The following FNDC3A variants were observed in gnomAD, a reference collection of about 807,000 sequenced individuals.
FNDC3A encodes the protein fibronectin type-III domain-containing protein 3A.
In FNDC3A, 32 loss-of-function variants were observed where a neutral mutation model predicts 148.9. That is an observed-to-expected ratio of 0.21 (90% CI 0.16 to 0.29). The LOEUF is 0.29. FNDC3A is among the 10% of genes least tolerant of loss of function. The pLI is 1.00. For missense variants in FNDC3A, 1,191 were observed against 1,452.8 expected, an observed-to-expected ratio of 0.82 and a Z score of 2.93; for synonymous variants, 472 against 473.6, an observed-to-expected ratio of 1.00 and a Z score of 0.04.
chr13:49,145,706 A>T, intron 7 of FNDC3A, 72 bp from the exon 8 acceptor site: 1 of 1,197,226 alleles, frequency 8.4e-7, no homozygotes, highest in Non-Finnish European at 1.2e-6. Context: ...TTGAAACCTC[A>T]TTAGATATTT....
At chr13:48,983,323 A>G (rs1951729285) in intron 1 of FNDC3A, among the ~76,000 whole-genome samples, 1 of 152,222 alleles carries the variant, frequency 6.6e-6, no homozygotes, top group Non-Finnish European at 1.5e-5. Flanking sequence ...TAATGTATAT[A>G]TATTTTTTAC....
At chr13:49,149,385 AGTTT>A (rs1399972813) in intron 8 of FNDC3A, among the ~76,000 whole-genome samples, 1 of 152,018 alleles carries the variant, frequency 6.6e-6, no homozygotes, top group Non-Finnish European at 1.5e-5. Context: ...TTTAGTGCCT[AGTTT>A]GTTGAAAGAT....
intron 25 of FNDC3A, among the ~76,000 whole-genome samples, chr13:49,205,247 T>C (rs1461497827): frequency 6.6e-6 from 1 of 152,170 alleles, no homozygotes; most frequent in Non-Finnish European, 1.5e-5. Flanking sequence ...TTTTCTTTCT[T>C]AACCTAATAC....
At position 49,136,705 on chromosome 13, in the gene FNDC3A, A is replaced by C. The variant is rs929333058; in HGVS notation, c.760+104A>C. 3 of 1,123,104 alleles carry C rather than the reference A, an allele frequency of 2.7e-6. No individual in the cohort carries two copies. The African/African-American group carries it at 4.7e-5, about 17-fold the overall frequency. 69.6% of individuals were successfully genotyped at this position (1,123,104 alleles called of 1,614,324 possible). On this transcript the variant is annotated intron_variant, in intron 6 of 25. Transcript: ENST00000492622. ...TCAGTCATTTTGTCATGGTCCAAAT[A>C]GACTGTTACAGGCTGCTGCTTTCGA...
In FNDC3A at chr13:49,197,779, G is replaced by A. The variant is rs1024936412; in HGVS notation, c.2395G>A (p.Val799Ile). The change falls in exon 21 of 26, where the codon GTT becomes ATT. Residue 799 changes from valine to isoleucine, a missense_variant. Transcript: ENST00000492622. ...VTEYRLEWGG[V>I]EGSMQICYCG... ...TGAATATCGACTGGAGTGGGGAGGA[G>A]TTGAAGGAAGTATGCAGATATGTTA... is the stretch of plus-strand genomic sequence containing the variant. The A allele has an allele frequency of 6.2e-6, 10 of 1,610,612 alleles. No homozygotes were observed. Among genetic ancestry groups the A allele is most frequent in the Admixed American group, 3.4e-5 (2 of 58,804 alleles).
intron 3 of FNDC3A, among the ~76,000 whole-genome samples, chr13:49,101,955 G>C (rs1879885924): frequency 6.6e-6 from 1 of 151,960 alleles, no homozygotes; most frequent in Non-Finnish European, 1.5e-5. Flanking sequence ...ACAAAGCAGA[G>C]AGCTTTTATT....
chr13:49,197,796 G>C lies in FNDC3A; in HGVS notation c.2412G>C (p.Gln804His), dbSNP rs1886226970. 3.1e-6 allele frequency: 5 copies of C among 1,611,196 alleles called. No individual in the cohort carries two copies. The South Asian group carries it at 4.4e-5, about 14-fold the overall frequency. The change falls in exon 21 of 26, where the codon CAG (glutamine) becomes CAC (histidine). Residue 804 changes from glutamine (Q) to histidine (H), a missense_variant. By Grantham distance (24) the Gln-to-His change is conservative (BLOSUM62 0). Around this residue, in one of 3 missense-constraint regions of FNDC3A, gnomAD observed 751 missense variants for 944.0 expected, o/e 0.80. Transcript: ENST00000492622. ...LEWGGVEGSM[Q>H]ICYCGPGLSY... ...GGGGAGGAGTTGAAGGAAGTATGCA[G>C]ATATGTTACTGTGGGCCTGGTCTCA... is the stretch of plus-strand genomic sequence containing the variant.
chr13:49,035,212 G>GTGCA (rs1874407216), intron 2 of FNDC3A, among the ~76,000 whole-genome samples: 1 of 152,060 alleles, frequency 6.6e-6, no homozygotes, highest in South Asian at 2.1e-4. Context: ...TGGCACCCAT[G>GTGCA]TGCAGGTAAT....
chr13:49,031,296 C>T (rs930320701), intron 2 of FNDC3A, among the ~76,000 whole-genome samples: 9 of 151,834 alleles, frequency 5.9e-5, no homozygotes, highest in East Asian at 1.9e-4. Context: ...GCAGGAGAAT[C>T]GCTTGAACCC....
chr13:49,205,947 T>G (rs919264976), intron 25 of FNDC3A, among the ~76,000 whole-genome samples: 1 of 152,186 alleles, frequency 6.6e-6, no homozygotes, highest in African/African-American at 2.4e-5. Flanking sequence ...AAATTTAGAT[T>G]TACATCACAG....
intron 12 of FNDC3A, 84 bp from the exon 13 acceptor site, chr13:49,175,283 C>CA (rs1022462312): frequency 5.2e-6 from 5 of 953,086 alleles, no homozygotes; most frequent in Non-Finnish European, 7.3e-6. Flanking sequence ...TGTCATTTTC[C>CA]AAAAAAATTA....
At chr13:49,190,967 A>G (rs1885852457) in intron 17 of FNDC3A, 48 bp from the exon 18 acceptor site, 2 of 1,268,280 alleles carry the variant, frequency 1.6e-6, no homozygotes, top group African/African-American at 3.0e-5. Context: ...CAATCTGATT[A>G]TTTGGTTTTG....
intron 2 of FNDC3A, among the ~76,000 whole-genome samples, chr13:49,039,216 G>A (rs1197050375): frequency 1.3e-5 from 2 of 152,060 alleles, no homozygotes; most frequent in Non-Finnish European, 2.9e-5. Context: ...AAGTTAGTAA[G>A]GTATAATTTA....
intron 2 of FNDC3A, among the ~76,000 whole-genome samples, chr13:49,072,684 A>G (rs767446907): frequency 2.0e-5 from 3 of 152,076 alleles, no homozygotes; most frequent in Non-Finnish European, 4.4e-5. Flanking sequence ...GGGTCTTGCT[A>G]TATTGCCCAG....
At chr13:49,197,089 T>C in intron 20 of FNDC3A, 99 bp downstream of exon 20, 1 of 653,498 alleles carries the variant, frequency 1.5e-6, no homozygotes, top group Non-Finnish European at 2.5e-6. Flanking sequence ...GCCTATATTA[T>C]ACAGAGTAAG....
At chr13:49,117,645 C>G (rs772204727) in intron 4 of FNDC3A, among the ~76,000 whole-genome samples, 5 of 152,124 alleles carry the variant, frequency 3.3e-5, no homozygotes, top group Non-Finnish European at 7.4e-5. Flanking sequence ...TACAGACTTT[C>G]TTGTCACATT....
At chr13:49,045,143 T>G (rs1875288179) in intron 2 of FNDC3A, 1 of 188,590 alleles carries the variant, frequency 5.3e-6, no homozygotes, top group Non-Finnish European at 1.1e-5. Context: ...TTCCCTTTCC[T>G]TTCCCTTTCC....
intron 3 of FNDC3A, among the ~76,000 whole-genome samples, chr13:49,095,992 A>G (rs1356450440): frequency 6.6e-6 from 1 of 152,110 alleles, no homozygotes; most frequent in African/African-American, 2.4e-5. Context: ...ACCTAGATAT[A>G]TAGAGATAGA....
chr13:49,052,873 C>G (rs1055880141), intron 2 of FNDC3A, among the ~76,000 whole-genome samples: 37 of 152,284 alleles, frequency 2.4e-4, no homozygotes, highest in African/African-American at 8.7e-4. Flanking sequence ...AGCTTAGCCT[C>G]TCCTTGGGCA....
Sources: gnomAD v4.1 joint callset for allele counts (sites outside exome capture counted in the v4.1 genomes callset) on GRCh38, gnomAD v4.1.1 for gene constraint, gnomAD v4.1.1 regional missense constraint, MANE v1.5 for transcripts, NCBI Gene and HGNC (gene_info 2026-07-23, HGNC 2026-07-21) for gene names.